Variants in NCEH1 observed in about 807,000 individuals in gnomAD.
NCEH1 encodes neutral cholesterol ester hydrolase 1.
Under a neutral mutation model 25.4 loss-of-function variants are expected in NCEH1, and 9 were observed. The ratio of observed to expected loss-of-function variants is 0.35; its 90% CI spans 0.21 to 0.62. The LOEUF (loss-of-function observed/expected upper bound fraction) is 0.62, where lower values mean the gene tolerates loss of function less well. Among genes scored for constraint, NCEH1 ranks in the 20% least tolerant of loss-of-function variants. The pLI, the probability that NCEH1 is intolerant of heterozygous loss-of-function variation, is 0.72. For missense variants in NCEH1, 412 were observed against 501.1 expected (o/e 0.82, Z 1.70); for synonymous variants, 200 against 199.8 (o/e 1.00, Z -0.01).
At chr3:172,710,791 C>G in intron 1 of NCEH1, 56 bp downstream of exon 1, 1 of 1,594,250 alleles carries the variant, frequency 6.3e-7, no homozygotes, top group Non-Finnish European at 8.6e-7. Context: ...TTTTGTATCC[C>G]CTTCAAATAT....
At chr3:172,653,747 TTTTTGTTTTTTTG>T (rs1717539363) in intron 1 of NCEH1, among the ~76,000 whole-genome samples, 4 of 76,468 alleles carry the variant, frequency 5.2e-5, no homozygotes, top group African/African-American at 2.4e-4. Flanking sequence ...TTTTTTTGTT[TTTTTGTTTTTTTG>T]TTTTTTTTTT....
At chr3:172,654,010 C>T in intron 1 of NCEH1, among the ~76,000 whole-genome samples, 1 of 152,040 alleles carries the variant, frequency 6.6e-6, no homozygotes, top group Non-Finnish European at 1.5e-5. Context: ...CCGCCTTGGC[C>T]TCCCAAAGTG....
intron 1 of NCEH1, among the ~76,000 whole-genome samples, chr3:172,674,891 G>A (rs936120191): frequency 4.6e-5 from 7 of 152,040 alleles, no homozygotes; most frequent in African/African-American, 1.4e-4. Flanking sequence ...TAATAGTTAC[G>A]GATAAAAAGC....
At chr3:172,671,905 T>C (rs1711656980) in intron 1 of NCEH1, among the ~76,000 whole-genome samples, 1 of 152,200 alleles carries the variant, frequency 6.6e-6, no homozygotes, top group Admixed American at 6.5e-5. Context: ...ATTGTGACAT[T>C]GTAGTGCAAT....
Position 172,662,296 on chromosome 3 carries a change from C to A in NCEH1, c.139-14182G>T, listed in dbSNP as rs527595876. Among the ~76,000 whole-genome samples the A allele has an allele frequency of 1.6e-4, 25 of 152,322 alleles. 1 individual carries two copies. In the South Asian group the frequency reaches 5.0e-3, roughly 30 times the overall value. Reference sequence around the variant, plus strand: ...TATTGATTTTCATATGTTGAACCAACCTTGCACCCCAGGGATGAAGCCAAC... The same window carrying A: ...TATTGATTTTCATATGTTGAACCAAACTTGCACCCCAGGGATGAAGCCAAC... On this transcript the variant is annotated intron_variant, in intron 1 of 4. Coordinates refer to ENST00000475381, the MANE Select transcript of NCEH1 (RefSeq NM_020792.6).
chr3:172,637,766 G>C (rs182906618), intron 3 of NCEH1, among the ~76,000 whole-genome samples: 4 of 152,328 alleles, frequency 2.6e-5, no homozygotes, highest in African/African-American at 9.6e-5. Context: ...GTGGGCGCCT[G>C]TAATCCCAAC....
intron 1 of NCEH1, among the ~76,000 whole-genome samples, chr3:172,691,635 T>C (rs1290739878): frequency 6.6e-6 from 1 of 152,294 alleles, no homozygotes; most frequent in Non-Finnish European, 1.5e-5. Flanking sequence ...CAGGAAGAAC[T>C]GGCAAATGAG....
intron 2 of NCEH1, among the ~76,000 whole-genome samples, chr3:172,646,055 G>C (rs1477537229): frequency 6.6e-6 from 1 of 152,102 alleles, no homozygotes; most frequent in Non-Finnish European, 1.5e-5. Flanking sequence ...CTCTTCCTTA[G>C]AATCATGCAA....
chr3:172,683,438 G>A (rs1278356588), intron 1 of NCEH1, among the ~76,000 whole-genome samples: 1 of 151,066 alleles, frequency 6.6e-6, no homozygotes, highest in African/African-American at 2.4e-5. Context: ...AAGAAGCGGA[G>A]GCAGGAGAAT....
intron 1 of NCEH1, among the ~76,000 whole-genome samples, chr3:172,679,906 G>A (rs1322251525): frequency 6.6e-6 from 1 of 152,136 alleles, no homozygotes; most frequent in Non-Finnish European, 1.5e-5. Flanking sequence ...CAGGTTTTTT[G>A]CAGGCTACGT....
intron 1 of NCEH1, among the ~76,000 whole-genome samples, chr3:172,662,876 C>A (rs531299913): frequency 4.9e-4 from 74 of 150,724 alleles, no homozygotes; most frequent in Non-Finnish European, 2.7e-4. Flanking sequence ...GTCTTGCTAG[C>A]GGTCTATCAA....
intron 1 of NCEH1, among the ~76,000 whole-genome samples, chr3:172,696,617 G>A (rs1480795652): frequency 1.3e-5 from 2 of 152,098 alleles, no homozygotes; most frequent in East Asian, 3.8e-4. Context: ...TCTGTTCAAG[G>A]TCACACAGCT....
chr3:172,640,074 T>A (rs1320534722), intron 3 of NCEH1, among the ~76,000 whole-genome samples: 1 of 152,176 alleles, frequency 6.6e-6, no homozygotes, highest in Non-Finnish European at 1.5e-5. Flanking sequence ...CAAAATAACC[T>A]AACCTGGAAG....
intron 1 of NCEH1, among the ~76,000 whole-genome samples, chr3:172,680,325 C>T (rs1712274945): frequency 6.6e-6 from 1 of 152,164 alleles, no homozygotes; most frequent in South Asian, 2.1e-4. Context: ...CTGGTGGCCT[C>T]TCTCAGGCTT....
chr3:172,671,763 C>T (rs1312020815), intron 1 of NCEH1, among the ~76,000 whole-genome samples: 2 of 151,996 alleles, frequency 1.3e-5, no homozygotes, highest in South Asian at 2.1e-4. Context: ...CACACAGGCA[C>T]ACACATACTT....
chr3:172,644,181 G>T (rs78752585), intron 3 of NCEH1, among the ~76,000 whole-genome samples: 58 of 26,670 alleles, frequency 2.2e-3, no homozygotes, highest in Admixed American at 8.1e-3. Context: ...CTAGGGCTTT[G>T]GGGTGACTCT....
chr3:172,665,052 G>C (rs550581239), intron 1 of NCEH1, among the ~76,000 whole-genome samples: 2 of 151,498 alleles, frequency 1.3e-5, no homozygotes, highest in Non-Finnish European at 2.9e-5. Flanking sequence ...CTGATTTTTA[G>C]AATTTTCAGC....
chr3:172,679,439 A>G (rs1292086788), intron 1 of NCEH1, among the ~76,000 whole-genome samples: 1 of 151,630 alleles, frequency 6.6e-6, no homozygotes, highest in Non-Finnish European at 1.5e-5. Context: ...TACTTTTTAC[A>G]CCCCCCACCC....
chr3:172,669,014 T>C (rs1216273673), intron 1 of NCEH1, among the ~76,000 whole-genome samples: 1 of 152,112 alleles, frequency 6.6e-6, no homozygotes, highest in Admixed American at 6.5e-5. Flanking sequence ...TTTGTATTTT[T>C]AGTATACAAA....
Sources: allele counts gnomAD v4.1 joint callset (sites outside exome capture counted in the v4.1 genomes callset), GRCh38; gene constraint gnomAD v4.1.1; transcripts MANE v1.5; gene names NCBI Gene and HGNC (gene_info 2026-07-23, HGNC 2026-07-21).